The following FAM171A1 variants were observed in gnomAD, a reference collection of about 807,000 sequenced individuals.
The protein encoded by FAM171A1 is family with sequence similarity 171 member A1.
Under a neutral mutation model 74.9 loss-of-function variants are expected in FAM171A1, and 23 were observed. That is an observed-to-expected ratio of 0.31 (90% confidence interval 0.22 to 0.44). The LOEUF is 0.44. FAM171A1 is among the 20% of genes least tolerant of loss of function. The pLI is 1.00. For synonymous variants in FAM171A1, 527 were observed against 505.7 expected, an observed-to-expected ratio of 1.04 and a Z score of -0.57; for missense variants, 1,162 against 1,159.2, an observed-to-expected ratio of 1.00 and a Z score of -0.03.
intron 1 of FAM171A1, among the ~76,000 whole-genome samples, chr10:15,298,169 C>A (rs1302989198): frequency 6.6e-6 from 1 of 151,710 alleles, no homozygotes; most frequent in Non-Finnish European, 1.5e-5. Flanking sequence ...CTCTTGTCAC[C>A]CATGCTGGAG....
chr10:15,366,807 A>G (rs889555105), intron 1 of FAM171A1, among the ~76,000 whole-genome samples: 9 of 152,226 alleles, frequency 5.9e-5, no homozygotes, highest in African/African-American at 2.2e-4. Context: ...ATTAATATTT[A>G]TTAAAAATTC....
intron 1 of FAM171A1, among the ~76,000 whole-genome samples, chr10:15,291,782 T>G (rs543380072): frequency 2.4e-4 from 37 of 152,226 alleles, no homozygotes; most frequent in Non-Finnish European, 4.7e-4. Context: ...CCAGGTACGG[T>G]GAACGTGCTC....
In FAM171A1 at chr10:15,254,759, C is replaced by G; in HGVS notation, c.539G>C (p.Ser180Thr). 1 of 1,614,198 alleles carries G rather than the reference C, an allele frequency of 6.2e-7. No individual in the cohort carries two copies. Among genetic ancestry groups the G allele is most frequent in the Non-Finnish European group, 8.5e-7 (1 of 1,180,018 alleles). Reference protein sequence around the residue: ...TAASSPSEVDSFPYLRGLDGN... With the variant: ...TAASSPSEVDTFPYLRGLDGN... ...GTCTAATCCTCGCAAATAAGGAAAA[C>G]TGTCCACCTCCGAAGGGGAGCTGGC... Residue 180 changes from serine (S) to threonine (T), a missense_variant, in exon 4 of 8, where the codon AGT becomes ACT. Coordinates refer to ENST00000378116, the MANE Select transcript of FAM171A1 (RefSeq NM_001010924.2).
chr10:15,304,212 G>A (rs1433614331), intron 1 of FAM171A1, among the ~76,000 whole-genome samples: 1 of 152,186 alleles, frequency 6.6e-6, no homozygotes, highest in South Asian at 2.1e-4. Flanking sequence ...AGAAGGGACC[G>A]TCATGGTGAG....
At chr10:15,287,675 C>T (rs930153626) in intron 1 of FAM171A1, among the ~76,000 whole-genome samples, 3 of 152,154 alleles carry the variant, frequency 2.0e-5, no homozygotes, top group African/African-American at 7.2e-5. Flanking sequence ...CGTGAGCCAC[C>T]GTGCCTGGTT....
At chr10:15,248,536 A>T in intron 5 of FAM171A1, 103 bp downstream of exon 5, 1 of 1,276,978 alleles carries the variant, frequency 7.8e-7, no homozygotes, top group Non-Finnish European at 1.1e-6. Flanking sequence ...AGCAGCATTC[A>T]CTGACTTCAA....
intron 1 of FAM171A1, among the ~76,000 whole-genome samples, chr10:15,370,210 T>G (rs935959130): frequency 6.7e-6 from 1 of 150,042 alleles, no homozygotes; most frequent in Non-Finnish European, 1.5e-5. Context: ...AGGCACGAGC[T>G]GGCGACAAAC....
chr10:15,278,417 G>A (rs1446327120), intron 2 of FAM171A1, among the ~76,000 whole-genome samples: 3 of 152,126 alleles, frequency 2.0e-5, no homozygotes, highest in African/African-American at 4.8e-5. Flanking sequence ...CAAGAGAACC[G>A]AAAACCTACG....
At chr10:15,248,380 T>C (rs937067428) in intron 5 of FAM171A1, among the ~76,000 whole-genome samples, 3 of 152,068 alleles carry the variant, frequency 2.0e-5, no homozygotes, top group Non-Finnish European at 4.4e-5. Flanking sequence ...TAATAACCTT[T>C]ACAGATTCTT....
At chr10:15,316,366 C>A (rs1014811053) in intron 1 of FAM171A1, among the ~76,000 whole-genome samples, 3 of 152,228 alleles carry the variant, frequency 2.0e-5, no homozygotes, top group African/African-American at 7.2e-5. Context: ...CCTCACCAGG[C>A]CATTCCTGCT....
chr10:15,320,620 C>T (rs1480569341), intron 1 of FAM171A1, among the ~76,000 whole-genome samples: 1 of 152,186 alleles, frequency 6.6e-6, no homozygotes, highest in East Asian at 1.9e-4. Flanking sequence ...TCCACAACCT[C>T]ACCAGCATGT....
chr10:15,223,474 AG>A (rs1485922177), intron 5 of FAM171A1, among the ~76,000 whole-genome samples: 4 of 152,264 alleles, frequency 2.6e-5, no homozygotes, highest in African/African-American at 9.6e-5. Flanking sequence ...CGGGACCCAG[AG>A]GGTGAGAGCT....
intron 5 of FAM171A1, among the ~76,000 whole-genome samples, chr10:15,226,276 C>T (rs554506323): frequency 7.9e-5 from 12 of 152,294 alleles, no homozygotes; most frequent in South Asian, 4.1e-4. Flanking sequence ...TTCCAATCAA[C>T]GCCTATGGCT....
chr10:15,275,925 G>A lies in FAM171A1; in HGVS notation c.348C>T (p.Gly116=). ...RLPVFSSLSL[G]LLPERSATLM... ...GAGTGGCAGAGCGTTCTGGAAGCAG[G>A]CCAAGGCTCAGAGAGGAAAATACTG... The change falls in exon 3 of 8, where the codon GGC becomes GGT. Residue 116 remains glycine (G), a synonymous_variant. Coordinates refer to ENST00000378116, the MANE Select transcript of FAM171A1 (RefSeq NM_001010924.2). 6.2e-7 allele frequency: 1 copy of A among 1,612,248 alleles called. No homozygotes were observed. The highest frequency in any genetic ancestry group is 8.5e-7 in the Non-Finnish European group (1 of 1,178,828).
intron 6 of FAM171A1, among the ~76,000 whole-genome samples, chr10:15,216,604 T>C (rs1484339032): frequency 6.6e-6 from 1 of 152,112 alleles, no homozygotes; most frequent in African/African-American, 2.4e-5. Context: ...CTAATTTTTA[T>C]AAATTTTTTT....
Position 15,297,806 on chromosome 10 carries a change from G to T in FAM171A1, c.98-13701C>A, listed in dbSNP as rs191330808. 2.5e-3 allele frequency among the ~76,000 whole-genome samples: 385 copies of T among 152,308 alleles called. 1 individual carries two copies. Among genetic ancestry groups the T allele is most frequent in the Non-Finnish European group, 4.1e-3 (277 of 68,022 alleles). On this transcript the variant is annotated intron_variant, in intron 1 of 7. Transcript: ENST00000378116. ...TACCCTAATAAGTTAAACAGCAGAAGTTCATTCTCTATTACTGGACCCGGT... is the reference window on the plus strand; with the variant it reads ...TACCCTAATAAGTTAAACAGCAGAATTTCATTCTCTATTACTGGACCCGGT...
At position 15,216,128 on chromosome 10, in the gene FAM171A1, G is replaced by A. The variant is rs1564612765; in HGVS notation, c.872-18C>T. 3 of 1,526,268 alleles carry A rather than the reference G, an allele frequency of 2.0e-6. No individual in the cohort carries two copies. Among genetic ancestry groups the A allele is most frequent in the Non-Finnish European group, 2.7e-6 (3 of 1,123,502 alleles). 94.5% of individuals were successfully genotyped at this position (1,526,268 alleles called of 1,614,324 possible). ...AACGGGACCTAGAAGGTCAGAAAAT[G>A]GCATTTAGAGTTTTGAACACCTTTA... is the stretch of plus-strand genomic sequence containing the variant. On this transcript the variant is annotated intron_variant, in intron 6 of 7. Coordinates refer to ENST00000378116, the MANE Select transcript of FAM171A1 (RefSeq NM_001010924.2).
intron 3 of FAM171A1, among the ~76,000 whole-genome samples, chr10:15,274,134 C>A (rs1164547456): frequency 6.6e-6 from 1 of 152,182 alleles, no homozygotes; most frequent in Non-Finnish European, 1.5e-5. Context: ...ACTTAGAAAA[C>A]CCCATCGTCT....
At chr10:15,314,785 T>C (rs1483072339) in intron 1 of FAM171A1, among the ~76,000 whole-genome samples, 3 of 152,150 alleles carry the variant, frequency 2.0e-5, no homozygotes, top group South Asian at 2.1e-4. Flanking sequence ...AGGTGGGAAG[T>C]TGGGGAGTAT....
Sources: allele counts gnomAD v4.1 joint callset (sites outside exome capture counted in the v4.1 genomes callset), GRCh38; gene constraint gnomAD v4.1.1; transcripts MANE v1.5; gene names NCBI Gene and HGNC (gene_info 2026-07-23, HGNC 2026-07-21).